The following MBOAT2 variants were observed in gnomAD, a reference collection of about 807,000 sequenced individuals.
MBOAT2 encodes membrane bound glycerophospholipid O-acyltransferase 2.
MBOAT2 carries 28 observed loss-of-function variants against 63.4 expected under a neutral mutation model. The observed-to-expected ratio is 0.44, with a 90% confidence interval of 0.33 to 0.61. MBOAT2 has a LOEUF of 0.61. MBOAT2 is among the 20% of genes least tolerant of loss of function. The pLI, the probability that MBOAT2 is intolerant of heterozygous loss-of-function variation, is 0.03. For missense variants in MBOAT2, 470 were observed against 605.8 expected (o/e 0.78, Z 2.35); for synonymous variants, 211 against 215.6 (o/e 0.98, Z 0.19).
chr2:8,874,369 A>G (rs1443527708), intron 7 of MBOAT2, among the ~76,000 whole-genome samples: 1 of 152,186 alleles, frequency 6.6e-6, no homozygotes, highest in Non-Finnish European at 1.5e-5. Context: ...TGCCTCCCAA[A>G]TATCTTACCT....
intron 6 of MBOAT2, 131 bp downstream of exon 6, chr2:8,882,380 T>C (rs1360794238): frequency 5.7e-6 from 5 of 882,724 alleles, no homozygotes; most frequent in Admixed American, 2.2e-5. Flanking sequence ...GGGAAGTGCA[T>C]GGAGAGAGTG....
chr2:8,885,492 G>A (rs115264191), intron 5 of MBOAT2, among the ~76,000 whole-genome samples: 2 of 152,084 alleles, frequency 1.3e-5, no homozygotes, highest in South Asian at 2.1e-4. Flanking sequence ...TTTCATATAC[G>A]AGATATTCAA....
At chr2:8,889,504 A>G (rs1663829367) in intron 4 of MBOAT2, among the ~76,000 whole-genome samples, 1 of 152,182 alleles carries the variant, frequency 6.6e-6, no homozygotes, top group African/African-American at 2.4e-5. Flanking sequence ...TCATGCTTCA[A>G]CCAACCTAAT....
intron 4 of MBOAT2, among the ~76,000 whole-genome samples, chr2:8,893,875 A>T (rs1371481677): frequency 6.6e-6 from 1 of 152,200 alleles, no homozygotes; most frequent in East Asian, 1.9e-4. Flanking sequence ...GAACTGAAGA[A>T]GAAAGAACAG....
rs948090923 is a variant in MBOAT2 at position 8,854,563 on chromosome 2, A to G, written c.*4116T>C. The stretch of plus-strand genomic sequence containing the variant: ...ATATAGTAGGCACTATTCTGAAACA[A>G]TTATTTTCTCAAGTAATTTTTCTTT... On this transcript the variant is annotated 3_prime_UTR_variant, in exon 13 of 13. Transcript: ENST00000305997. 6.6e-6 allele frequency: 1 copy of G among 152,244 alleles called. No individual in the cohort carries two copies. The highest frequency in any genetic ancestry group is 6.5e-5 in the Admixed American group (1 of 15,286). The allele number at this position is 152,244 out of a possible 1,614,324, so 9.4% of individuals were successfully genotyped here. A position where few individuals can be genotyped will look rare whatever the true frequency, so the allele number is the denominator to read the frequency against.
At chr2:8,900,648 T>C (rs559505813) in intron 4 of MBOAT2, among the ~76,000 whole-genome samples, 2 of 152,214 alleles carry the variant, frequency 1.3e-5, no homozygotes, top group South Asian at 2.1e-4. Context: ...TTATCATTAA[T>C]AGAAAGGGGA....
chr2:8,940,417 G>C lies in MBOAT2; in HGVS notation c.299+2770C>G, dbSNP rs141787442. Reference sequence around the variant, plus strand: ...AGCAATTCTCCTGCCTCAAGCTCCCGAGTAGCTGGGATTACAGGCATGCAC... The same window carrying C: ...AGCAATTCTCCTGCCTCAAGCTCCCCAGTAGCTGGGATTACAGGCATGCAC... On this transcript the variant is annotated intron_variant, in intron 3 of 12. Coordinates refer to ENST00000305997, the MANE Select transcript of MBOAT2 (RefSeq NM_138799.4). Among the ~76,000 whole-genome samples the C allele has an allele frequency of 1.6e-3, 239 of 152,074 alleles. 3 individuals are homozygous for C. Among genetic ancestry groups the C allele is most frequent in the South Asian group, 4.2e-3 (20 of 4,816 alleles).
chr2:8,993,361 A>C (rs1448460155), intron 1 of MBOAT2, among the ~76,000 whole-genome samples: 1 of 152,176 alleles, frequency 6.6e-6, no homozygotes, highest in Non-Finnish European at 1.5e-5. Context: ...CTAACCACTA[A>C]AGGCATCGGA....
At chr2:8,869,448 C>T (rs1354665979) in intron 8 of MBOAT2, among the ~76,000 whole-genome samples, 1 of 152,126 alleles carries the variant, frequency 6.6e-6, no homozygotes, top group African/African-American at 2.4e-5. Flanking sequence ...TCAAATAAGC[C>T]CTTTTCCAAT....
intron 1 of MBOAT2, among the ~76,000 whole-genome samples, chr2:8,964,207 G>A (rs1382651599): frequency 2.0e-5 from 3 of 152,170 alleles, no homozygotes; most frequent in Non-Finnish European, 4.4e-5. Context: ...TAAGTTTGCT[G>A]CAGTATTCTC....
At chr2:8,954,954 C>T (rs1209456969) in intron 2 of MBOAT2, among the ~76,000 whole-genome samples, 4 of 152,190 alleles carry the variant, frequency 2.6e-5, no homozygotes, top group East Asian at 3.9e-4. Flanking sequence ...AGTTCCAGGT[C>T]GCCAAGCTGG....
chr2:8,864,120 G>C, intron 10 of MBOAT2, 50 bp downstream of exon 10: 1 of 1,309,370 alleles, frequency 7.6e-7, no homozygotes, highest in Non-Finnish European at 1.1e-6. Context: ...GCTCAACCTC[G>C]AGAACTAGAC....
intron 4 of MBOAT2, 34 bp downstream of exon 4, chr2:8,908,586 TA>T: frequency 8.1e-7 from 1 of 1,237,116 alleles, no homozygotes; most frequent in South Asian, 1.3e-5. Context: ...TTGGAATGGA[TA>T]AAACAGGCTA....
At chr2:8,871,627 A>G (rs1662332059) in intron 8 of MBOAT2, among the ~76,000 whole-genome samples, 1 of 152,222 alleles carries the variant, frequency 6.6e-6, no homozygotes. Flanking sequence ...CCTTAAAGAA[A>G]TCTTAGATTA....
chr2:8,957,894 AGTACAGTATTTCTGTATT>A, intron 2 of MBOAT2, among the ~76,000 whole-genome samples: 1 of 152,222 alleles, frequency 6.6e-6, no homozygotes, highest in Non-Finnish European at 1.5e-5. Context: ...ACAAACAGGA[AGTACAGTATTTCTGTATT>A]TAAGGCTCTC....
chr2:8,888,818 A>C (rs1403207839), intron 4 of MBOAT2, among the ~76,000 whole-genome samples: 1 of 152,138 alleles, frequency 6.6e-6, no homozygotes, highest in East Asian at 1.9e-4. Context: ...GCTTGAGCCC[A>C]GGAGTCTGAG....
intron 1 of MBOAT2, among the ~76,000 whole-genome samples, chr2:8,999,766 G>A (rs2103386725): frequency 6.6e-6 from 1 of 152,214 alleles, no homozygotes; most frequent in East Asian, 1.9e-4. Context: ...TGGAAAACAA[G>A]GCCTAGAAAG....
At position 8,856,418 on chromosome 2, in the gene MBOAT2, A is replaced by T. The variant is rs1661090120; in HGVS notation, c.*2261T>A. On this transcript the variant is annotated 3_prime_UTR_variant, in exon 13 of 13. Coordinates refer to ENST00000305997, the MANE Select transcript of MBOAT2 (RefSeq NM_138799.4). The surrounding 1 kb of genome is among the most constrained non-coding windows in gnomAD (Gnocchi z 4.2). ...GCCTGAACCTGTCTTTTAAATTCTT[A>T]ATTTGTTCACTTTCTCTTAATAGCA... 6.6e-6 allele frequency: 1 copy of T among 152,042 alleles called. No homozygotes were observed. Among genetic ancestry groups the T allele is most frequent in the Non-Finnish European group, 1.5e-5 (1 of 68,006 alleles). The allele number at this position is 152,042 out of a possible 1,614,324, so 9.4% of individuals were successfully genotyped here.
chr2:8,952,475 T>C (rs892417702), intron 2 of MBOAT2, among the ~76,000 whole-genome samples: 3 of 152,204 alleles, frequency 2.0e-5, no homozygotes, highest in Admixed American at 6.5e-5. Flanking sequence ...AATTAATTTA[T>C]TAGTTTTCTG....
Sources: allele counts gnomAD v4.1 joint callset (sites outside exome capture counted in the v4.1 genomes callset), GRCh38; gene constraint gnomAD v4.1.1; non-coding constraint Gnocchi (gnomAD v3.1); transcripts MANE v1.5; gene names NCBI Gene and HGNC (gene_info 2026-07-23, HGNC 2026-07-21).